SLC5A11: variants seen among roughly 807,000 people sequenced by gnomAD.
SLC5A11 encodes the protein solute carrier family 5 member 11, also known as sodium/myo-inositol cotransporter 2.
A neutral mutation model predicts 69.8 loss-of-function variants in SLC5A11; 48 were observed. The observed-to-expected ratio is 0.69, with a 90% CI of 0.55 to 0.87. The LOEUF (loss-of-function observed/expected upper bound fraction) is 0.87. SLC5A11 is among the 40% of genes least tolerant of loss of function. SLC5A11 has a pLI of 0.00. For synonymous variants in SLC5A11, 319 were observed against 342.4 expected (o/e 0.93, Z 0.75); for missense variants, 784 against 866.1 (o/e 0.91, Z 1.19).
rs541687582 is a variant in SLC5A11, at chr16:24,861,660, AAAAG to A, written c.136-932_136-929del. On this transcript the variant is annotated intron_variant, in intron 2 of 15. Transcript: ENST00000347898. ...AGGGAAGGGACAAGAAGAAGAAAGA[AAAAG>A]AAAGAAAGGAAGGAAGGGAGGGAGG... Among the ~76,000 whole-genome samples, 587 of 147,704 alleles carry A rather than the reference AAAAG, an allele frequency of 4.0e-3. 3 individuals are homozygous for A. The highest frequency in any genetic ancestry group is 6.5e-3 in the Non-Finnish European group (436 of 67,398).
chr16:24,872,687 A>ATT (rs112261900), intron 5 of SLC5A11, among the ~76,000 whole-genome samples: 3 of 146,316 alleles, frequency 2.1e-5, no homozygotes, highest in Non-Finnish European at 4.5e-5. Flanking sequence ...TAATTTTTGC[A>ATT]TTTTTTTTTT....
At chr16:24,873,181 GGGAAAA>G (rs143670744) in intron 5 of SLC5A11, among the ~76,000 whole-genome samples, 14,271 of 139,880 alleles carry the variant, frequency 0.1, 841 homozygotes, top group Non-Finnish European at 0.13. Context: ...AAGGGGAAAG[GGGAAAA>G]GGGAAAGGGA....
chr16:24,849,620 A>ATATATATATATATATATATATATATC (rs1210387914), intron 1 of SLC5A11, among the ~76,000 whole-genome samples: 1 of 131,742 alleles, frequency 7.6e-6, no homozygotes, highest in Non-Finnish European at 1.6e-5. Flanking sequence ...ATATATATAT[A>ATATATATATATATATATATATATATC]TATCCATGAG....
In SLC5A11 at chr16:24,872,039, G is replaced by A. The variant is rs181225586; in HGVS notation, c.313-121G>A. 62 of 1,100,112 alleles carry A rather than the reference G, an allele frequency of 5.6e-5. No individual in the cohort carries two copies. In the Middle Eastern group the frequency reaches 6.2e-4, roughly 11 times the overall value. The allele number at this position is 1,100,112 out of a possible 1,614,324, so 68.1% of individuals were successfully genotyped here. A position where few individuals can be genotyped will look rare whatever the true frequency, so the allele number is the denominator to read the frequency against. On this transcript the variant is annotated intron_variant, in intron 4 of 15. Coordinates refer to ENST00000347898, the Ensembl canonical transcript of SLC5A11. ...GGCCAGCACAGGTGAACCACTCAGCGAGTAAGAGACTACACCAGAGGTGGA... is the reference window on the plus strand; with the variant it reads ...GGCCAGCACAGGTGAACCACTCAGCAAGTAAGAGACTACACCAGAGGTGGA...
chr16:24,908,732 A>G (rs559661911), intron 13 of SLC5A11, 149 bp from the exon 15 acceptor site: 28 of 627,776 alleles, frequency 4.5e-5, no homozygotes, highest in African/African-American at 4.0e-4. Flanking sequence ...AAAAAGATAA[A>G]TGGTTAAGTA....
intron 1 of SLC5A11, among the ~76,000 whole-genome samples, chr16:24,854,182 C>T (rs953065227): frequency 3.9e-5 from 6 of 152,208 alleles, no homozygotes; most frequent in African/African-American, 9.6e-5. Flanking sequence ...AGGCAGCCGC[C>T]GCCCCTCCTC....
At chr16:24,893,501 C>A (rs79815258) in intron 9 of SLC5A11, among the ~76,000 whole-genome samples, 5,900 of 152,090 alleles carry the variant, frequency 0.039, 388 homozygotes, top group African/African-American at 0.14. Flanking sequence ...CCATCTTCCT[C>A]CTTCCTTTAT....
intron 5 of SLC5A11, among the ~76,000 whole-genome samples, chr16:24,874,404 C>CAA (rs1395179427): frequency 6.6e-6 from 1 of 152,152 alleles, no homozygotes; most frequent in Admixed American, 6.6e-5. Context: ...AAGATATTGA[C>CAA]AAACATTTTC....
chr16:24,892,665 A>G (rs2048891679), intron 9 of SLC5A11, among the ~76,000 whole-genome samples: 1 of 152,194 alleles, frequency 6.6e-6, no homozygotes, highest in Admixed American at 6.6e-5. Context: ...TTTCTGGTAC[A>G]TGAAACATCA....
intron 15 of SLC5A11, among the ~76,000 whole-genome samples, chr16:24,910,732 A>G (rs539494411): frequency 6.6e-5 from 10 of 152,210 alleles, no homozygotes; most frequent in African/African-American, 1.9e-4. Flanking sequence ...CGGTTGGTTC[A>G]TTTCATCCTT....
chr16:24,893,116 CAAA>C (rs58331547), intron 9 of SLC5A11, among the ~76,000 whole-genome samples: 17 of 99,106 alleles, frequency 1.7e-4, no homozygotes, highest in African/African-American at 7.9e-4. Flanking sequence ...ACTAAAAATA[CAAA>C]AAAAAAAAAA....
intron 7 of SLC5A11, 62 bp from the exon 9 acceptor site, chr16:24,883,989 G>T: frequency 6.7e-7 from 1 of 1,499,700 alleles, no homozygotes; most frequent in South Asian, 1.2e-5. Flanking sequence ...TTCCCTTGGT[G>T]ACCCAGAGTA....
chr16:24,858,666 C>G (rs200570182), exon 2 of SLC5A11: 2 of 1,610,584 alleles, frequency 1.2e-6, no homozygotes, highest in East Asian at 2.2e-5. Context: ...ACCAGCAGCC[C>G]TCAGCCTCCA....
Position 24,909,829 on chromosome 16 carries a change from TAAA to T in SLC5A11, c.1651-456_1651-454del, listed in dbSNP as rs3050359. Among the ~76,000 whole-genome samples the T allele has an allele frequency of 5.8e-3, 604 of 103,916 alleles. 5 individuals are homozygous for T. The highest frequency in any genetic ancestry group is 0.016 in the African/African-American group (408 of 25,150). 68.2% of individuals were successfully genotyped at this position (103,916 alleles called of 152,430 possible). A position where few individuals can be genotyped will look rare whatever the true frequency, so the allele number is the denominator to read the frequency against. ...GGGTGACAGAACAAGAGCCTGTCTT[TAAA>T]AAAAAAAAAAAAAAAAAAAAGTAAA... On this transcript the variant is annotated intron_variant, in intron 14 of 15. Transcript: ENST00000347898.
At chr16:24,895,423 A>T (rs2049087346) in intron 9 of SLC5A11, among the ~76,000 whole-genome samples, 1 of 152,000 alleles carries the variant, frequency 6.6e-6, no homozygotes, top group Non-Finnish European at 1.5e-5. Flanking sequence ...CAGGAGGTGG[A>T]GGCTGCAGTG....
rs79419837 is a variant in SLC5A11 at position 24,876,234 on chromosome 16, A to C, written c.477+503A>C. Among the ~76,000 whole-genome samples, 1,285 of 152,052 alleles carry C rather than the reference A, an allele frequency of 8.5e-3. 20 individuals carry two copies. Among genetic ancestry groups the C allele is most frequent in the African/African-American group, 0.029 (1,198 of 41,492 alleles). On this transcript the variant is annotated intron_variant, in intron 6 of 15. Coordinates refer to ENST00000347898, the Ensembl canonical transcript of SLC5A11. ...AAAAAAAAAAGAAGAAATTGGGAGA[A>C]AAGGTAGAGGAAAGGAGGGAAGGAC...
intron 14 of SLC5A11, among the ~76,000 whole-genome samples, chr16:24,909,363 G>A (rs1301146247): frequency 2.6e-5 from 4 of 152,068 alleles, no homozygotes; most frequent in Non-Finnish European, 4.4e-5. Flanking sequence ...ATAAGGCTGG[G>A]GTGCGGTGGC....
At chr16:24,897,824 A>C in intron 9 of SLC5A11, 150 bp from the exon 11 acceptor site, 1 of 959,686 alleles carries the variant, frequency 1.0e-6, no homozygotes. Context: ...AGTATGGAGG[A>C]AACTGCCCCC....
At chr16:24,851,387 G>A (rs1051573410) in intron 1 of SLC5A11, among the ~76,000 whole-genome samples, 5 of 152,048 alleles carry the variant, frequency 3.3e-5, no homozygotes, top group African/African-American at 7.2e-5. Flanking sequence ...TTAGCCGGAC[G>A]TGGTTGCAAA....
Sources: gnomAD v4.1 joint callset for allele counts (sites outside exome capture counted in the v4.1 genomes callset) on GRCh38, gnomAD v4.1.1 for gene constraint, MANE v1.5 for transcripts, NCBI Gene and HGNC (gene_info 2026-07-23, HGNC 2026-07-21) for gene names.